Variants in CELSR2 observed in about 807,000 individuals in gnomAD.
CELSR2 encodes EGF-like protein 2.
In CELSR2, 81 loss-of-function variants were observed where a neutral mutation model predicts 251.6. The observed-to-expected ratio is 0.32, with a 90% CI of 0.27 to 0.39. The LOEUF (loss-of-function observed/expected upper bound fraction) is 0.39, where lower values mean the gene tolerates loss of function less well. CELSR2 is among the 10% of genes least tolerant of loss of function. The pLI, the probability that CELSR2 is intolerant of heterozygous loss-of-function variation, is 1.00. For synonymous variants in CELSR2, 1,721 were observed against 1,670.5 expected (o/e 1.03, Z -0.74); for missense variants, 3,365 against 3,947.7 (o/e 0.85, Z 3.96).
chr1:109,256,768 A>T (rs1655859416), intron 1 of CELSR2, among the ~76,000 whole-genome samples: 1 of 152,066 alleles, frequency 6.6e-6, no homozygotes, highest in Non-Finnish European at 1.5e-5. Context: ...CAGCCTCCTG[A>T]GTATCTGGGA....
chr1:109,259,121 T>G, intron 2 of CELSR2, 42 bp downstream of exon 2: 2 of 1,490,436 alleles, frequency 1.3e-6, no homozygotes, highest in Non-Finnish European at 1.8e-6. Context: ...CCTGGAAGGC[T>G]GACTGTGTGG....
In CELSR2 at chr1:109,269,319, G is replaced by A; in HGVS notation, c.6812+29G>A. ...AGCAGCTAGGGGACAGGTGTGGGTA[G>A]GGGTATGGGTCGGGCGGTGAGTGCT... On this transcript the variant is annotated intron_variant, in intron 20 of 33. Coordinates refer to ENST00000271332, the MANE Select transcript of CELSR2 (RefSeq NM_001408.3). This position sits in a 1 kb window ranked among gnomAD's most constrained non-coding sequence, Gnocchi z 6.4. 6.2e-7 allele frequency: 1 copy of A among 1,612,390 alleles called. No individual in the cohort carries two copies. The highest frequency in any genetic ancestry group is 8.5e-7 in the Non-Finnish European group (1 of 1,179,722).
Position 109,269,786 on chromosome 1 carries a change from G to C in CELSR2, c.7073G>C (p.Ser2358Thr). The stretch of plus-strand genomic sequence containing the variant: ...AGCTGCCAGTGCAACCACATGACGA[G>C]CTTCGCTGTGCTCATGGACGTTTCT... ...HVSCQCNHMT[S>T]FAVLMDVSRR... Residue 2358 changes from serine to threonine, a missense_variant, in exon 22 of 34, where the codon AGC becomes ACC. Physicochemically the swap from Ser to Thr is moderately conservative, Grantham distance 58 (BLOSUM62 1). Coordinates refer to ENST00000271332, the MANE Select transcript of CELSR2 (RefSeq NM_001408.3). This position sits in a 1 kb window ranked among gnomAD's most constrained non-coding sequence, Gnocchi z 6.4. 6.2e-7 allele frequency: 1 copy of C among 1,613,546 alleles called. No homozygotes were observed. Among genetic ancestry groups the C allele is most frequent in the Admixed American group, 1.7e-5 (1 of 60,034 alleles).
At chr1:109,255,695 G>A (rs1226050950) in intron 1 of CELSR2, among the ~76,000 whole-genome samples, 7 of 152,228 alleles carry the variant, frequency 4.6e-5, no homozygotes, top group Non-Finnish European at 7.3e-5. Flanking sequence ...CATCCCAGCT[G>A]TTCCTTTTCT....
intron 28 of CELSR2, 76 bp downstream of exon 28, chr1:109,271,798 C>A: frequency 6.5e-7 from 1 of 1,528,682 alleles, no homozygotes; most frequent in Non-Finnish European, 8.9e-7. Flanking sequence ...GTACTTTTGG[C>A]CCCACTCCCC....
At position 109,259,013 on chromosome 1, in the gene CELSR2, G is replaced by T; in HGVS notation, c.3892G>T (p.Gly1298Cys). The T allele has an allele frequency of 6.2e-7, 1 of 1,602,578 alleles. No homozygotes were observed. Among genetic ancestry groups the T allele is most frequent in the Non-Finnish European group, 8.5e-7 (1 of 1,178,030 alleles). ...EVDLCYSRPC[G>C]PHGRCRSREG... ...GGACCTCTGCTACTCGCGGCCCTGT[G>T]GCCCCCACGGGCGCTGCCGCAGCCG... Residue 1298 changes from glycine to cysteine, a missense_variant, in exon 2 of 34, where the codon GGC becomes TGC. Around this residue, in one of 5 missense-constraint regions of CELSR2, gnomAD observed 2,093 missense variants for 2,382.8 expected, o/e 0.88. Coordinates refer to ENST00000271332, the MANE Select transcript of CELSR2 (RefSeq NM_001408.3).
chr1:109,268,990 C>A lies in CELSR2; in HGVS notation c.6613C>A (p.Pro2205Thr). ...GGACCTTGAGACAACAGTCATTCTG[C>A]CTGAGTCTGTCTTCAGAGGTCAGTG... ...PPDLETTVIL[P>T]ESVFRETPPV... Residue 2205 changes from proline (P) to threonine (T), a missense_variant, in exon 19 of 34, where the codon CCT becomes ACT. By Grantham distance (38) the Pro-to-Thr change is conservative. This residue lies in a region of CELSR2 where 2,093 missense variants were observed against 2,382.8 expected (regional missense o/e 0.88). Coordinates refer to ENST00000271332, the MANE Select transcript of CELSR2 (RefSeq NM_001408.3). 1 of 1,612,654 alleles carries A rather than the reference C, an allele frequency of 6.2e-7. No homozygotes were observed. Among genetic ancestry groups the A allele is most frequent in the Non-Finnish European group, 8.5e-7 (1 of 1,179,010 alleles).
rs1656283480 is a variant in CELSR2 at position 109,268,901 on chromosome 1, A to G, written c.6524A>G (p.Asp2175Gly). Residue 2175 changes from aspartate (D) to glycine (G), a missense_variant, in exon 19 of 34, where the codon GAC (aspartate) becomes GGC (glycine). Physicochemically the swap from Asp to Gly is moderately conservative, Grantham distance 94 (BLOSUM62 -1). Transcript: ENST00000271332. ...TTAGTCATCTCCGTAGTGCGCTTGG[A>G]CAAAGGGAACTTTGCTGGGGCCAAG... ...PNIVISVVRL[D>G]KGNFAGAKLP... 1 of 1,611,852 alleles carries G rather than the reference A, an allele frequency of 6.2e-7. No individual in the cohort carries two copies. Among genetic ancestry groups the G allele is most frequent in the African/African-American group, 1.3e-5 (1 of 74,856 alleles).
At chr1:109,273,698 G>C in intron 33 of CELSR2, 28 bp downstream of exon 33, 9 of 1,381,164 alleles carry the variant, frequency 6.5e-6, no homozygotes, top group African/African-American at 1.5e-5. Context: ...GGCGGGACGG[G>C]GTGCAGCCCC....
At position 109,252,410 on chromosome 1, in the gene CELSR2, C is replaced by G. The variant is rs1302568058; in HGVS notation, c.2331C>G (p.Asp777Glu). The G allele has an allele frequency of 5.6e-6, 9 of 1,613,226 alleles. No homozygotes were observed. The highest frequency in any genetic ancestry group is 7.6e-6 in the Non-Finnish European group (9 of 1,180,020). Residue 777 changes from aspartate to glutamate, a missense_variant, in exon 1 of 34, where the codon GAC (aspartate) becomes GAG (glutamate). Around this residue, in one of 5 missense-constraint regions of CELSR2, gnomAD observed 505 missense variants for 660.0 expected, o/e 0.77. Transcript: ENST00000271332. The surrounding 1 kb of genome is among the most constrained non-coding windows in gnomAD (Gnocchi z 4.8). The part of the protein sequence containing the change: ...VTTQAELDYE[D>E]QVSYTLAITA... ...CCCAGGCTGAGCTGGACTATGAAGA[C>G]CAAGTGTCTTACACCCTGGCCATTA... is the stretch of plus-strand genomic sequence containing the variant.
chr1:109,263,418 G>T, intron 8 of CELSR2, 151 bp downstream of exon 8: 1 of 1,394,684 alleles, frequency 7.2e-7, no homozygotes. Flanking sequence ...GGCAACACAG[G>T]AGACAAAGGG....
chr1:109,272,592 T>TG (rs113683670), intron 29 of CELSR2, 48 bp from the exon 30 acceptor site: 78,851 of 1,572,020 alleles, frequency 0.05, 2,649 homozygotes, highest in Admixed American at 0.12. Context: ...ACTGGGACCC[T>TG]GGGCAAGGGG....
At position 109,250,841 on chromosome 1, in the gene CELSR2, C is replaced by T; in HGVS notation, c.762C>T (p.Thr254=). 2 of 1,614,024 alleles carry T rather than the reference C, an allele frequency of 1.2e-6. No individual in the cohort carries two copies. Among genetic ancestry groups the T allele is most frequent in the Non-Finnish European group, 1.7e-6 (2 of 1,180,026 alleles). Residue 254 remains threonine, a synonymous_variant, in exon 1 of 34, where the codon ACC becomes ACT. Coordinates refer to ENST00000271332, the MANE Select transcript of CELSR2 (RefSeq NM_001408.3). This position sits in a 1 kb window ranked among gnomAD's most constrained non-coding sequence, Gnocchi z 4.4. ...AEELDRETKS[T]HVFRVTAQDH... ...AGCTGGATCGTGAGACCAAGAGCAC[C>T]CACGTCTTCAGGGTCACGGCGCAGG...
rs112623207 is a variant in CELSR2, at chr1:109,273,133, C to T, written c.8339-33C>T. 6.4e-4 allele frequency: 1,022 copies of T among 1,606,918 alleles called. 11 individuals carry two copies. In the African/African-American group the frequency reaches 0.011, roughly 18 times the overall value. Reference sequence around the variant, plus strand: ...TGGTGGCCTCCTGGCTATCTGCCCTCTGTGGGCCTCATCTACTTCCTTTCC... The same window carrying T: ...TGGTGGCCTCCTGGCTATCTGCCCTTTGTGGGCCTCATCTACTTCCTTTCC... On this transcript the variant is annotated intron_variant, in intron 31 of 33. Coordinates refer to ENST00000271332, the MANE Select transcript of CELSR2 (RefSeq NM_001408.3).
At chr1:109,273,694 A>G in intron 33 of CELSR2, 24 bp downstream of exon 33, 37 of 1,028,672 alleles carry the variant, frequency 3.6e-5, no homozygotes, top group Non-Finnish European at 4.5e-5. Flanking sequence ...GGTGGGCGGG[A>G]CGGGGTGCAG....
At chr1:109,270,359 G>T in intron 23 of CELSR2, 67 bp from the exon 24 acceptor site, 2 of 1,564,340 alleles carry the variant, frequency 1.3e-6, no homozygotes, top group South Asian at 2.3e-5. Flanking sequence ...CTCCATGCCT[G>T]ACCCGAAGCA....
chr1:109,259,518 C>A (rs1655961955), intron 2 of CELSR2, among the ~76,000 whole-genome samples: 1 of 152,180 alleles, frequency 6.6e-6, no homozygotes, highest in African/African-American at 2.4e-5. Context: ...AGGTGTTGGC[C>A]TTGATTTAAG....
Position 109,251,785 on chromosome 1 carries a change from A to G in CELSR2, c.1706A>G (p.Asp569Gly), listed in dbSNP as rs1352538802. The G allele has an allele frequency of 3.1e-6, 5 of 1,613,928 alleles. No individual in the cohort carries two copies. Among genetic ancestry groups the G allele is most frequent in the Non-Finnish European group, 4.2e-6 (5 of 1,179,978 alleles). The change falls in exon 1 of 34, where the codon GAC (aspartate) becomes GGC (glycine). Residue 569 changes from aspartate (D) to glycine (G), a missense_variant. Around this residue, in one of 5 missense-constraint regions of CELSR2, gnomAD observed 704 missense variants for 784.1 expected, o/e 0.90. Transcript: ENST00000271332. The surrounding 1 kb of genome is among the most constrained non-coding windows in gnomAD (Gnocchi z 4.9). The part of the protein sequence containing the change: ...TGWISVAAEL[D>G]REEVDFYSFG... ...TGGATCTCTGTGGCTGCTGAACTGG[A>G]CCGGGAGGAAGTTGATTTCTACAGC...
rs1054148010 is a variant in CELSR2 at position 109,275,277 on chromosome 1, C to T, written c.*1228C>T. 3 of 152,234 alleles carry T rather than the reference C, an allele frequency of 2.0e-5. No individual in the cohort carries two copies. Among genetic ancestry groups the T allele is most frequent in the Non-Finnish European group, 2.9e-5 (2 of 68,060 alleles). The allele number at this position is 152,234 out of a possible 1,614,324, so 9.4% of individuals were successfully genotyped here. On this transcript the variant is annotated 3_prime_UTR_variant, in exon 34 of 34. Coordinates refer to ENST00000271332, the MANE Select transcript of CELSR2 (RefSeq NM_001408.3). ...ATATGGCCATCACAGGCTGGGTGTT[C>T]CCAGCAGCCCTGGCTTGGGGGCTTG... is the stretch of plus-strand genomic sequence containing the variant.
Sources: allele counts gnomAD v4.1 joint callset (sites outside exome capture counted in the v4.1 genomes callset), GRCh38; gene constraint gnomAD v4.1.1; regional missense constraint gnomAD v4.1.1; non-coding constraint Gnocchi (gnomAD v3.1); transcripts MANE v1.5; gene names NCBI Gene and HGNC (gene_info 2026-07-23, HGNC 2026-07-21).